The following LTBP1 variants were observed in gnomAD, a reference collection of about 807,000 sequenced individuals.
LTBP1 encodes latent-transforming growth factor beta-binding protein 1.
LTBP1 carries 129 observed loss-of-function variants against 207.6 expected under a neutral mutation model. The ratio of observed to expected loss-of-function variants is 0.62; its 90% CI spans 0.54 to 0.72. The LOEUF (loss-of-function observed/expected upper bound fraction) is 0.72, where lower values mean the gene tolerates loss of function less well. Ranked by LOEUF, LTBP1 falls within the 30% of genes least tolerant of loss-of-function variation. LTBP1 has a pLI of 0.00. For synonymous variants in LTBP1, 963 were observed against 833.7 expected (o/e 1.16, Z -2.67); for missense variants, 2,281 against 2,217.2 (o/e 1.03, Z -0.58).
intron 7 of LTBP1, among the ~76,000 whole-genome samples, chr2:33,195,561 A>G (rs796768947): frequency 3.9e-5 from 6 of 152,368 alleles, no homozygotes; most frequent in African/African-American, 1.4e-4. Flanking sequence ...TCTCATGTTC[A>G]AACTTGAATG....
At chr2:32,965,335 A>G (rs1679789267) in intron 2 of LTBP1, among the ~76,000 whole-genome samples, 1 of 152,152 alleles carries the variant, frequency 6.6e-6, no homozygotes, top group Admixed American at 6.5e-5. Context: ...CCCCTATATT[A>G]TCACCCAATG....
chr2:33,139,849 G>T (rs2082499333), intron 5 of LTBP1, among the ~76,000 whole-genome samples: 2 of 152,208 alleles, frequency 1.3e-5, no homozygotes, highest in South Asian at 4.1e-4. Flanking sequence ...CACATGAAAG[G>T]TAATAATGGT....
chr2:33,054,880 C>T (rs905825078), intron 3 of LTBP1, among the ~76,000 whole-genome samples: 1 of 152,188 alleles, frequency 6.6e-6, no homozygotes, highest in Non-Finnish European at 1.5e-5. Context: ...GAACCTTCAT[C>T]CTCTGGAGCA....
chr2:33,386,562 C>T (rs1044546020), intron 31 of LTBP1, among the ~76,000 whole-genome samples: 7 of 152,206 alleles, frequency 4.6e-5, no homozygotes, highest in African/African-American at 1.4e-4. Flanking sequence ...CGGCAGCTCG[C>T]ACCTGTAATC....
intron 3 of LTBP1, among the ~76,000 whole-genome samples, chr2:33,098,731 G>T (rs1176754032): frequency 6.6e-6 from 1 of 152,040 alleles, no homozygotes; most frequent in African/African-American, 2.4e-5. Flanking sequence ...GAGCCACCGC[G>T]CCTGGCCCAC....
intron 15 of LTBP1, among the ~76,000 whole-genome samples, chr2:33,265,472 G>C (rs1330734491): frequency 6.6e-6 from 1 of 152,166 alleles, no homozygotes; most frequent in East Asian, 1.9e-4. Context: ...CAGGGAAATA[G>C]ATAATTATGT....
chr2:33,008,078 C>G (rs144582468), intron 2 of LTBP1, among the ~76,000 whole-genome samples: 245 of 152,206 alleles, frequency 1.6e-3, no homozygotes, highest in Non-Finnish European at 2.9e-3. Flanking sequence ...TGTTGATTTG[C>G]AAGTTGGCAG....
At chr2:33,147,111 C>T (rs367871695) in intron 5 of LTBP1, among the ~76,000 whole-genome samples, 7 of 152,192 alleles carry the variant, frequency 4.6e-5, no homozygotes, top group Admixed American at 1.3e-4. Flanking sequence ...ATCAGAGATT[C>T]TCAGTACTGG....
chr2:33,301,974 G>T (rs1371882425), intron 22 of LTBP1, among the ~76,000 whole-genome samples: 1 of 152,180 alleles, frequency 6.6e-6, no homozygotes, highest in Non-Finnish European at 1.5e-5. Context: ...ACTTCTAAAT[G>T]TTCCAAATAA....
At chr2:33,257,158 T>A in intron 11 of LTBP1, 126 bp from the exon 12 acceptor site, 1 of 688,164 alleles carries the variant, frequency 1.5e-6, no homozygotes. Context: ...TGCACCTGTT[T>A]TTGAAGTTTT....
At chr2:33,140,147 C>T (rs1324415575) in intron 5 of LTBP1, among the ~76,000 whole-genome samples, 2 of 152,148 alleles carry the variant, frequency 1.3e-5, no homozygotes, top group Admixed American at 1.3e-4. Context: ...TTCACAAAAC[C>T]GACCTAATAC....
intron 12 of LTBP1, among the ~76,000 whole-genome samples, chr2:33,259,210 G>C (rs575869653): frequency 3.2e-4 from 48 of 152,260 alleles, no homozygotes; most frequent in African/African-American, 1.1e-3. Flanking sequence ...ATACCATAAG[G>C]ATAAACCTTT....
At chr2:33,058,254 G>A (rs1489517120) in intron 3 of LTBP1, among the ~76,000 whole-genome samples, 1 of 152,112 alleles carries the variant, frequency 6.6e-6, no homozygotes, top group Non-Finnish European at 1.5e-5. Flanking sequence ...AATTATGTTA[G>A]CATTAAAATT....
rs530144417 is a variant in LTBP1, at chr2:33,092,214, C to T, written c.864-18368C>T. On this transcript the variant is annotated intron_variant, in intron 3 of 33. Coordinates refer to ENST00000404816, the MANE Select transcript of LTBP1 (RefSeq NM_206943.4). The stretch of plus-strand genomic sequence containing the variant: ...ACACACGCGCACACACACACACACA[C>T]AGTTTGTCACAGAATTCCAAGGCAC... Among the ~76,000 whole-genome samples the T allele has an allele frequency of 5.3e-5, 8 of 152,184 alleles. No individual in the cohort carries two copies. In the East Asian group the frequency reaches 7.7e-4, roughly 15 times the overall value.
intron 3 of LTBP1, among the ~76,000 whole-genome samples, chr2:33,048,258 T>C (rs1432116955): frequency 6.6e-6 from 1 of 152,238 alleles, no homozygotes; most frequent in Non-Finnish European, 1.5e-5. Context: ...GCTGTGTGAC[T>C]GTAACTGAAC....
chr2:33,019,129 A>G (rs141275190), intron 2 of LTBP1, among the ~76,000 whole-genome samples: 65 of 152,058 alleles, frequency 4.3e-4, no homozygotes, highest in African/African-American at 1.6e-3. Context: ...TGCTTTGTGG[A>G]CTGAAGCTTG....
chr2:32,958,115 C>T (rs534997517), intron 2 of LTBP1, among the ~76,000 whole-genome samples: 16 of 152,278 alleles, frequency 1.1e-4, no homozygotes, highest in Admixed American at 3.3e-4. Context: ...AATTAGAATA[C>T]GGAGCTCCTA....
intron 31 of LTBP1, among the ~76,000 whole-genome samples, chr2:33,387,477 G>A (rs946006089): frequency 9.2e-5 from 14 of 152,198 alleles, no homozygotes; most frequent in South Asian, 4.1e-4. Flanking sequence ...GTGCTGGGAC[G>A]CCTGGAGTCT....
At chr2:33,012,564 T>C (rs1687822196) in intron 2 of LTBP1, among the ~76,000 whole-genome samples, 1 of 152,232 alleles carries the variant, frequency 6.6e-6, no homozygotes, top group Non-Finnish European at 1.5e-5. Flanking sequence ...AGCTGTATGG[T>C]GATTCTTTTT....
Sources: allele counts gnomAD v4.1 joint callset (sites outside exome capture counted in the v4.1 genomes callset), GRCh38; gene constraint gnomAD v4.1.1; transcripts MANE v1.5; gene names NCBI Gene and HGNC (gene_info 2026-07-23, HGNC 2026-07-21).